The following PRKCE variants were observed in gnomAD, a reference collection of about 807,000 sequenced individuals.
The protein encoded by PRKCE is protein kinase C epsilon.
A neutral mutation model predicts 85.4 loss-of-function variants in PRKCE; 16 were observed. That is an observed-to-expected ratio of 0.19 (90% CI 0.13 to 0.28). PRKCE has a LOEUF of 0.28. Ranked by LOEUF, PRKCE falls within the 10% of genes least tolerant of loss-of-function variation. The pLI is 1.00. For missense variants in PRKCE, 573 were observed against 975.2 expected, an observed-to-expected ratio of 0.59 and a Z score of 5.49; for synonymous variants, 388 against 371.5, an observed-to-expected ratio of 1.04 and a Z score of -0.51.
intron 11 of PRKCE, among the ~76,000 whole-genome samples, chr2:46,095,467 G>T (rs1670595087): frequency 6.6e-6 from 1 of 152,188 alleles, no homozygotes; most frequent in Admixed American, 6.5e-5. Flanking sequence ...GACAGGGAAG[G>T]GGCCGTGCCA....
chr2:46,061,500 C>A lies in PRKCE; in HGVS notation c.1438-24708C>A, dbSNP rs183084149. Among the ~76,000 whole-genome samples the A allele has an allele frequency of 1.8e-3, 271 of 152,188 alleles. 1 individual carries two copies. The highest frequency in any genetic ancestry group is 6.0e-3 in the African/African-American group (249 of 41,528). ...AGAGAAGAACCATTTCTCTCAAGTC[C>A]GTTGTTACTGTGCTGGGGCCAATGA... On this transcript the variant is annotated intron_variant, in intron 10 of 14. Coordinates refer to ENST00000306156, the MANE Select transcript of PRKCE (RefSeq NM_005400.3).
intron 2 of PRKCE, among the ~76,000 whole-genome samples, chr2:45,885,726 C>A (rs985958751): frequency 6.6e-6 from 1 of 152,148 alleles, no homozygotes; most frequent in African/African-American, 2.4e-5. Context: ...GGGGTTAGGG[C>A]AACTCCTATG....
chr2:45,715,083 A>T (rs1679976005), intron 1 of PRKCE, among the ~76,000 whole-genome samples: 1 of 152,238 alleles, frequency 6.6e-6, no homozygotes, highest in African/African-American at 2.4e-5. Context: ...GCTTTTCCAC[A>T]GGCAGGCAGG....
chr2:45,816,808 C>G (rs1268268795), intron 1 of PRKCE, among the ~76,000 whole-genome samples: 2 of 152,184 alleles, frequency 1.3e-5, no homozygotes, highest in Admixed American at 6.5e-5. Context: ...CATCCTCCCT[C>G]CCCCTAATTG....
chr2:45,798,110 T>C (rs1687583870), intron 1 of PRKCE, among the ~76,000 whole-genome samples: 2 of 152,304 alleles, frequency 1.3e-5, no homozygotes, highest in East Asian at 3.9e-4. Context: ...TACTTTCTCC[T>C]GCCTTGATCT....
At chr2:46,110,014 G>A (rs1672108068) in intron 11 of PRKCE, among the ~76,000 whole-genome samples, 1 of 152,106 alleles carries the variant, frequency 6.6e-6, no homozygotes, top group African/African-American at 2.4e-5. Context: ...ATTTTCAAAT[G>A]TTGAACCAGC....
At chr2:46,022,077 G>T (rs1048776080) in intron 10 of PRKCE, among the ~76,000 whole-genome samples, 1 of 152,292 alleles carries the variant, frequency 6.6e-6, no homozygotes, top group African/African-American at 2.4e-5. Flanking sequence ...TGGGTGGTAG[G>T]TGCAACCTAT....
chr2:45,753,053 G>T lies in PRKCE; in HGVS notation c.349-89947G>T, dbSNP rs1275520939. On this transcript the variant is annotated intron_variant, in intron 1 of 14. Coordinates refer to ENST00000306156, the MANE Select transcript of PRKCE (RefSeq NM_005400.3). ...TTTCTTCTCCCCATCAACTTTCCTG[G>T]TCAGGGCACAGGGTGTAGGGCAGAG... Among the ~76,000 whole-genome samples, 3 of 152,110 alleles carry T rather than the reference G, an allele frequency of 2.0e-5. No individual in the cohort carries two copies. In the South Asian group the frequency reaches 6.2e-4, roughly 32 times the overall value.
At chr2:46,156,092 T>C (rs1385969293) in intron 13 of PRKCE, among the ~76,000 whole-genome samples, 2 of 151,552 alleles carry the variant, frequency 1.3e-5, no homozygotes, top group Non-Finnish European at 2.9e-5. Context: ...AATCTAGCCA[T>C]TTCGCGCCTC....
At chr2:45,921,037 C>T (rs1323250437) in intron 2 of PRKCE, among the ~76,000 whole-genome samples, 1 of 152,204 alleles carries the variant, frequency 6.6e-6, no homozygotes, top group Non-Finnish European at 1.5e-5. Flanking sequence ...GAGAGTAGCT[C>T]CCTCTGAGGA....
At chr2:45,785,216 C>G (rs1012654017) in intron 1 of PRKCE, among the ~76,000 whole-genome samples, 1 of 152,176 alleles carries the variant, frequency 6.6e-6, no homozygotes, top group African/African-American at 2.4e-5. Context: ...AGAGGCCAGG[C>G]ACGGTGGCGC....
intron 14 of PRKCE, among the ~76,000 whole-genome samples, chr2:46,168,566 G>A (rs1482233181): frequency 6.6e-6 from 1 of 152,214 alleles, no homozygotes; most frequent in Non-Finnish European, 1.5e-5. Flanking sequence ...TGAAGCCCTA[G>A]AGGGAGAAGC....
chr2:45,788,320 T>G (rs770783800), intron 1 of PRKCE, among the ~76,000 whole-genome samples: 1 of 152,248 alleles, frequency 6.6e-6, no homozygotes, highest in Non-Finnish European at 1.5e-5. Flanking sequence ...TAACTCATCC[T>G]TGGTGACTCT....
intron 2 of PRKCE, among the ~76,000 whole-genome samples, chr2:45,956,239 TG>T (rs1700968444): frequency 6.6e-6 from 1 of 152,258 alleles, no homozygotes; most frequent in Non-Finnish European, 1.5e-5. Flanking sequence ...ATGTTTGGAT[TG>T]CGTCTAGTTT....
chr2:45,742,474 A>G (rs1050530943), intron 1 of PRKCE, among the ~76,000 whole-genome samples: 1 of 151,890 alleles, frequency 6.6e-6, no homozygotes, highest in Non-Finnish European at 1.5e-5. Flanking sequence ...TTGAATGTAC[A>G]TTTTTCCAAA....
intron 1 of PRKCE, among the ~76,000 whole-genome samples, chr2:45,830,489 G>A (rs1282872091): frequency 6.6e-6 from 1 of 152,156 alleles, no homozygotes; most frequent in Non-Finnish European, 1.5e-5. Context: ...ATATATATAT[G>A]TATCACATAG....
intron 10 of PRKCE, among the ~76,000 whole-genome samples, chr2:46,057,305 C>G (rs538721582): frequency 6.6e-6 from 1 of 152,144 alleles, no homozygotes; most frequent in Non-Finnish European, 1.5e-5. Flanking sequence ...ATTCCTGTAA[C>G]GATCTTGAGA....
intron 2 of PRKCE, among the ~76,000 whole-genome samples, chr2:45,967,729 A>T (rs1453733512): frequency 6.6e-6 from 1 of 152,054 alleles, no homozygotes; most frequent in African/African-American, 2.4e-5. Flanking sequence ...AGAATCCAAC[A>T]TGGGTCTGTG....
At chr2:46,051,143 G>A (rs547991362) in intron 10 of PRKCE, among the ~76,000 whole-genome samples, 5 of 152,280 alleles carry the variant, frequency 3.3e-5, no homozygotes, top group Middle Eastern at 3.4e-3. Flanking sequence ...AGTTCCTCCC[G>A]CAAGAGTAAG....
Sources: gnomAD v4.1 joint callset for allele counts (sites outside exome capture counted in the v4.1 genomes callset) on GRCh38, gnomAD v4.1.1 for gene constraint, MANE v1.5 for transcripts, NCBI Gene and HGNC (gene_info 2026-07-23, HGNC 2026-07-21) for gene names.